Variants in MED13L observed in about 807,000 individuals in gnomAD.
MED13L encodes mediator of RNA polymerase II transcription subunit 13-like.
MED13L carries 7 observed loss-of-function variants against 220.9 expected under a neutral mutation model. That is an observed-to-expected ratio of 0.03 (90% confidence interval 0.02 to 0.06). MED13L has a LOEUF of 0.06. Ranked by LOEUF, MED13L falls within the 10% of genes least tolerant of loss-of-function variation. MED13L has a pLI of 1.00. For synonymous variants in MED13L, 1,011 were observed against 1,015.2 expected (o/e 1.00, Z 0.08); for missense variants, 1,965 against 2,760.5 (o/e 0.71, Z 6.46).
chr12:116,134,995 C>A (rs981317431), intron 2 of MED13L, among the ~76,000 whole-genome samples: 1 of 152,096 alleles, frequency 6.6e-6, no homozygotes, highest in Non-Finnish European at 1.5e-5. Context: ...CTGTGAAACC[C>A]TGCCGCTACT....
chr12:116,116,794 T>C (rs1874560793), intron 2 of MED13L, among the ~76,000 whole-genome samples: 1 of 151,658 alleles, frequency 6.6e-6, no homozygotes, highest in Admixed American at 6.6e-5. Flanking sequence ...ATTAATTACC[T>C]GATGTAGGGG....
At chr12:116,200,781 T>C (rs1287126844) in intron 2 of MED13L, among the ~76,000 whole-genome samples, 1 of 152,198 alleles carries the variant, frequency 6.6e-6, no homozygotes, top group Non-Finnish European at 1.5e-5. Flanking sequence ...AAATAGTTTA[T>C]AAAATAAAAG....
chr12:115,980,200 C>G (rs541418826), intron 23 of MED13L, among the ~76,000 whole-genome samples: 4 of 152,252 alleles, frequency 2.6e-5, no homozygotes, highest in African/African-American at 9.6e-5. Flanking sequence ...AAAAGGGATA[C>G]ATTTATTATT....
rs1879914352 is a variant in MED13L, at chr12:116,019,283, T to A, written c.950A>T (p.Asp317Val). 2.5e-6 allele frequency: 4 copies of A among 1,613,930 alleles called. 1 individual carries two copies. In the South Asian group the frequency reaches 4.4e-5, roughly 18 times the overall value. ...CAGAGGCATCCCACAGTTACTTGGGTCCTTCACACTACCAAGCCCTTGCTG... is the reference window on the plus strand; with the variant it reads ...CAGAGGCATCCCACAGTTACTTGGGACCTTCACACTACCAAGCCCTTGCTG... ...VGQQGLGSVK[D>V]PSNCGMPLTP... Residue 317 changes from aspartate (D) to valine (V), a missense_variant, in exon 7 of 31, where the codon GAC becomes GTC. Physicochemically the swap from Asp to Val is radical, Grantham distance 152. Around this residue, in one of 10 missense-constraint regions of MED13L, gnomAD observed 818 missense variants for 1,041.2 expected, o/e 0.79. Coordinates refer to ENST00000281928, the MANE Select transcript of MED13L (RefSeq NM_015335.5).
At chr12:116,082,008 A>AT (rs1278080515) in intron 4 of MED13L, among the ~76,000 whole-genome samples, 1 of 152,234 alleles carries the variant, frequency 6.6e-6, no homozygotes, top group Non-Finnish European at 1.5e-5. Context: ...TGAGTGAGTG[A>AT]TATAGAATTA....
At position 116,005,971 on chromosome 12, in the gene MED13L, A is replaced by G; in HGVS notation, c.2367T>C (p.Ala789=). The change falls in exon 13 of 31, where the codon GCT becomes GCC. Residue 789 remains alanine (A), a synonymous_variant. Transcript: ENST00000281928. The part of the protein sequence containing the change: ...TKTDVRQDNA[A]GRAGSSSLTQ... The stretch of plus-strand genomic sequence containing the variant: ...TAAGGCTACTGGAGCCAGCTCTGCC[A>G]GCAGCATTATCCTGCCGGACATCTG... 1 of 1,614,002 alleles carries G rather than the reference A, an allele frequency of 6.2e-7. No homozygotes were observed. The highest frequency in any genetic ancestry group is 8.5e-7 in the Non-Finnish European group (1 of 1,179,880).
At chr12:115,993,554 A>T (rs1387777247) in intron 16 of MED13L, among the ~76,000 whole-genome samples, 2 of 147,040 alleles carry the variant, frequency 1.4e-5, no homozygotes, top group African/African-American at 2.5e-5. Flanking sequence ...AGTACAGATA[A>T]AAAAAAAAAA....
intron 14 of MED13L, among the ~76,000 whole-genome samples, chr12:115,999,680 C>CAA (rs764963148): frequency 2.3e-5 from 3 of 132,508 alleles, no homozygotes; most frequent in South Asian, 2.3e-4. Flanking sequence ...CAAGATTTTG[C>CAA]AAAAAAAAAA....
At chr12:115,980,987 T>C in intron 22 of MED13L, 49 bp from the exon 23 acceptor site, 1 of 1,524,440 alleles carries the variant, frequency 6.6e-7, no homozygotes, top group Non-Finnish European at 8.9e-7. Context: ...ACCTAGAAAC[T>C]GAGATCTAAC....
chr12:116,022,389 T>C, intron 5 of MED13L, 67 bp downstream of exon 5: 1 of 1,592,982 alleles, frequency 6.3e-7, no homozygotes, highest in South Asian at 1.1e-5. Context: ...CTGCAAAACT[T>C]TACTGGGCAA....
At chr12:116,052,660 C>T (rs925630152) in intron 4 of MED13L, among the ~76,000 whole-genome samples, 2 of 152,150 alleles carry the variant, frequency 1.3e-5, no homozygotes, top group African/African-American at 2.4e-5. Flanking sequence ...TTCTGGTTTG[C>T]ATTACACCAT....
intron 23 of MED13L, among the ~76,000 whole-genome samples, chr12:115,980,156 A>G (rs918379995): frequency 1.3e-5 from 2 of 152,206 alleles, no homozygotes; most frequent in Non-Finnish European, 2.9e-5. Flanking sequence ...AAAAATAAAG[A>G]AAATAAATTT....
Position 116,019,924 on chromosome 12 carries a change from T to A in MED13L, c.674A>T (p.Tyr225Phe), listed in dbSNP as rs752844400. The change falls in exon 6 of 31, where the codon TAC becomes TTC. Residue 225 changes from tyrosine (Y) to phenylalanine (F), a missense_variant. Tyr to Phe is a conservative substitution (Grantham distance 22). Around this residue, in one of 10 missense-constraint regions of MED13L, gnomAD observed 818 missense variants for 1,041.2 expected, o/e 0.79. Coordinates refer to ENST00000281928, the MANE Select transcript of MED13L (RefSeq NM_015335.5). ...ACGAGTGGCTGGGTCTGACATCTTG[T>A]ATGCTTGGCCTGTTAGCGTCCCATT... ...GLNGTLTGQA[Y>F]KMSDPATRKL... The A allele has an allele frequency of 6.2e-7, 1 of 1,613,736 alleles. No homozygotes were observed. Among genetic ancestry groups the A allele is most frequent in the East Asian group, 2.2e-5 (1 of 44,868 alleles).
At position 116,006,111 on chromosome 12, in the gene MED13L, A is replaced by G. The variant is rs1220322608; in HGVS notation, c.2345-118T>C. The G allele has an allele frequency of 4.8e-6, 7 of 1,444,592 alleles. No homozygotes were observed. In the East Asian group the frequency reaches 7.2e-5, roughly 15 times the overall value. The allele number at this position is 1,444,592 out of a possible 1,614,324, so 89.5% of individuals were successfully genotyped here. A position where few individuals can be genotyped will look rare whatever the true frequency, so the allele number is the denominator to read the frequency against. ...CCTGTGAGTTTTTCCCTATGGTTTT[A>G]GTTAAATTTAGAGACAATTATTTCC... On this transcript the variant is annotated intron_variant, in intron 12 of 30. Transcript: ENST00000281928.
At chr12:116,050,888 G>A (rs1035894844) in intron 4 of MED13L, among the ~76,000 whole-genome samples, 8 of 152,074 alleles carry the variant, frequency 5.3e-5, no homozygotes, top group Non-Finnish European at 7.4e-5. Flanking sequence ...GCAGTGAGCC[G>A]AGATCATGCA....
At chr12:116,132,515 C>CT (rs1474687389) in intron 2 of MED13L, among the ~76,000 whole-genome samples, 2 of 152,014 alleles carry the variant, frequency 1.3e-5, no homozygotes, top group Non-Finnish European at 2.9e-5. Context: ...TACACTCAAA[C>CT]TAAGTATGCT....
chr12:116,156,744 T>C (rs1421669854), intron 2 of MED13L, among the ~76,000 whole-genome samples: 2 of 152,188 alleles, frequency 1.3e-5, no homozygotes, highest in Non-Finnish European at 2.9e-5. Flanking sequence ...AACTAACAAG[T>C]ACGGACTTCT....
chr12:116,253,124 T>G (rs1871704605), intron 1 of MED13L, among the ~76,000 whole-genome samples: 1 of 148,486 alleles, frequency 6.7e-6, no homozygotes, highest in Admixed American at 6.8e-5. Context: ...TAGCCAGATG[T>G]GTTGGTGCGC....
intron 4 of MED13L, among the ~76,000 whole-genome samples, chr12:116,059,375 G>A (rs1298141652): frequency 6.6e-6 from 1 of 151,028 alleles, no homozygotes; most frequent in African/African-American, 2.4e-5. Flanking sequence ...AAACAAGCTT[G>A]ATTTCACTGT....
Sources: allele counts gnomAD v4.1 joint callset (sites outside exome capture counted in the v4.1 genomes callset), GRCh38; gene constraint gnomAD v4.1.1; regional missense constraint gnomAD v4.1.1; transcripts MANE v1.5; gene names NCBI Gene and HGNC (gene_info 2026-07-23, HGNC 2026-07-21).